Variants in ATP8B4 observed in about 807,000 individuals in gnomAD.
ATP8B4 encodes probable phospholipid-transporting ATPase IM.
ATP8B4 carries 133 observed loss-of-function variants against 145.6 expected under a neutral mutation model. That is an observed-to-expected ratio of 0.91 (90% confidence interval 0.79 to 1.05). The LOEUF is 1.05. ATP8B4 is among the 50% of genes least tolerant of loss of function. ATP8B4 has a pLI of 0.00. For synonymous variants in ATP8B4, 507 were observed against 492.9 expected, an observed-to-expected ratio of 1.03 and a Z score of -0.38; for missense variants, 1,458 against 1,425.2, an observed-to-expected ratio of 1.02 and a Z score of -0.37.
intron 20 of ATP8B4, among the ~76,000 whole-genome samples, chr15:49,907,311 C>A (rs2038729512): frequency 6.6e-6 from 1 of 152,238 alleles, no homozygotes; most frequent in South Asian, 2.1e-4. Flanking sequence ...TCTATTCTTG[C>A]ATGCCTGAGC....
chr15:50,009,819 C>A (rs2048594021), intron 7 of ATP8B4: 1 of 362,456 alleles, frequency 2.8e-6, no homozygotes. Context: ...GCTGCCGACA[C>A]CTTTGTGTTT....
At chr15:50,006,571 G>A (rs941918999) in intron 7 of ATP8B4, among the ~76,000 whole-genome samples, 1 of 150,190 alleles carries the variant, frequency 6.7e-6, no homozygotes, top group Non-Finnish European at 1.5e-5. Flanking sequence ...ATTCCCTGAT[G>A]AGTCAAGAAA....
At chr15:50,136,505 C>T (rs558804699) in intron 1 of ATP8B4, among the ~76,000 whole-genome samples, 2 of 152,310 alleles carry the variant, frequency 1.3e-5, no homozygotes, top group East Asian at 3.9e-4. Context: ...GTTGTAAAGA[C>T]TGTTTGATTT....
Position 49,897,321 on chromosome 15 carries a change from A to G in ATP8B4, c.2668T>C (p.Phe890Leu). Reference protein sequence around the residue: ...NFAFTLVHFWFGFFCGFSAQT... With the variant: ...NFAFTLVHFWLGFFCGFSAQT... ...GCTGAGAAACCACAGAAGAAACCAA[A>G]CCAGAAATGCACAAGTGTAAATGCA... Residue 890 changes from phenylalanine to leucine, a missense_variant, in exon 23 of 28, where the codon TTT (phenylalanine) becomes CTT (leucine). Transcript: ENST00000284509. 2 of 1,612,358 alleles carry G rather than the reference A, an allele frequency of 1.2e-6. No homozygotes were observed. Among genetic ancestry groups the G allele is most frequent in the Non-Finnish European group, 1.7e-6 (2 of 1,179,430 alleles).
At chr15:50,089,604 T>C (rs2055460530) in intron 2 of ATP8B4, among the ~76,000 whole-genome samples, 1 of 152,046 alleles carries the variant, frequency 6.6e-6, no homozygotes, top group Admixed American at 6.6e-5. Context: ...TGGCAATTAT[T>C]AAAAAGTCAA....
intron 1 of ATP8B4, among the ~76,000 whole-genome samples, chr15:50,126,440 T>C (rs1488407477): frequency 1.3e-5 from 2 of 152,082 alleles, no homozygotes; most frequent in Non-Finnish European, 2.9e-5. Context: ...GGGATCCCAA[T>C]CCAGATCCCA....
intron 18 of ATP8B4, among the ~76,000 whole-genome samples, 162 bp from the exon 19 acceptor site, chr15:49,919,112 T>C (rs2040018052): frequency 6.6e-6 from 1 of 152,310 alleles, no homozygotes; most frequent in Admixed American, 6.5e-5. Flanking sequence ...TGAAAGTGGA[T>C]TGGGAAGGAC....
chr15:50,101,834 TGAAA>T (rs2056372770), intron 2 of ATP8B4, among the ~76,000 whole-genome samples: 1 of 152,116 alleles, frequency 6.6e-6, no homozygotes, highest in African/African-American at 2.4e-5. Context: ...ACAGACCATA[TGAAA>T]GTCCACAAAA....
At chr15:50,036,884 A>G (rs1599956971) in intron 6 of ATP8B4, among the ~76,000 whole-genome samples, 1 of 152,238 alleles carries the variant, frequency 6.6e-6, no homozygotes, top group East Asian at 1.9e-4. Context: ...ACTTTACAGG[A>G]TCGGCAACAA....
At chr15:49,883,336 T>C (rs1022145200) in intron 23 of ATP8B4, 5 of 152,176 alleles carry the variant, frequency 3.3e-5, no homozygotes, top group African/African-American at 1.2e-4. Flanking sequence ...GCTACACTTA[T>C]TTGACAACTA....
At chr15:50,006,875 G>A (rs1270740786) in intron 7 of ATP8B4, among the ~76,000 whole-genome samples, 2 of 152,112 alleles carry the variant, frequency 1.3e-5, no homozygotes, top group Admixed American at 6.6e-5. Context: ...GAAGGAGAAA[G>A]GTACACCTGG....
At chr15:50,128,445 C>T (rs1313562525) in intron 1 of ATP8B4, among the ~76,000 whole-genome samples, 2 of 152,188 alleles carry the variant, frequency 1.3e-5, no homozygotes, top group African/African-American at 4.8e-5. Context: ...CTCCTTGTGG[C>T]TGATGAAGGG....
At chr15:50,038,948 G>T in intron 5 of ATP8B4, 119 bp from the exon 6 acceptor site, 1 of 820,326 alleles carries the variant, frequency 1.2e-6, no homozygotes. Flanking sequence ...GGTCTAAGAT[G>T]ACACTGTTTG....
chr15:50,076,494 A>AAAAAAAG (rs574542014), intron 2 of ATP8B4, among the ~76,000 whole-genome samples: 1 of 152,030 alleles, frequency 6.6e-6, no homozygotes, highest in Non-Finnish European at 1.5e-5. Context: ...CCATCTCAAA[A>AAAAAAAG]AAAAAAGAAA....
upstream of ATP8B4, among the ~76,000 whole-genome samples, chr15:50,121,449 A>G (rs1469618793): frequency 2.6e-5 from 4 of 152,134 alleles, no homozygotes; most frequent in African/African-American, 4.8e-5. Context: ...ATGTACTTAA[A>G]GCCACTGAAC....
chr15:49,962,209 C>T (rs1393276173), intron 13 of ATP8B4, among the ~76,000 whole-genome samples, 189 bp from the exon 14 acceptor site: 3 of 152,174 alleles, frequency 2.0e-5, no homozygotes, highest in Non-Finnish European at 2.9e-5. Flanking sequence ...TGCAGTGAGA[C>T]ATTCGTGTTT....
intron 2 of ATP8B4, among the ~76,000 whole-genome samples, chr15:50,077,574 C>T (rs976496518): frequency 6.6e-6 from 1 of 152,142 alleles, no homozygotes; most frequent in African/African-American, 2.4e-5. Context: ...ATGTTATGGA[C>T]AGGGTGACAG....
At chr15:49,986,072 T>C (rs1389634540) in intron 10 of ATP8B4, among the ~76,000 whole-genome samples, 1 of 152,220 alleles carries the variant, frequency 6.6e-6, no homozygotes, top group African/African-American at 2.4e-5. Flanking sequence ...ACCAACTTCC[T>C]TGTTTTTCAG....
chr15:50,038,912 T>C, intron 5 of ATP8B4, 83 bp from the exon 6 acceptor site: 1 of 1,227,184 alleles, frequency 8.1e-7, no homozygotes, highest in Non-Finnish European at 1.2e-6. Context: ...TACTTTGAGT[T>C]CATCCATTTA....
Sources: allele counts gnomAD v4.1 joint callset (sites outside exome capture counted in the v4.1 genomes callset), GRCh38; gene constraint gnomAD v4.1.1; transcripts MANE v1.5; gene names NCBI Gene and HGNC (gene_info 2026-07-23, HGNC 2026-07-21).